The following SRGAP3 variants were observed in gnomAD, a reference collection of about 807,000 sequenced individuals.
SRGAP3 encodes SLIT-ROBO Rho GTPase-activating protein 3.
SRGAP3 carries 39 observed loss-of-function variants against 121.1 expected under a neutral mutation model. That is an observed-to-expected ratio of 0.32 (90% CI 0.25 to 0.42). SRGAP3 has a LOEUF of 0.42. Among genes scored for constraint, SRGAP3 ranks in the 10% least tolerant of loss-of-function variants. The pLI is 1.00. For synonymous variants in SRGAP3, 601 were observed against 570.0 expected, an observed-to-expected ratio of 1.05 and a Z score of -0.77; for missense variants, 1,213 against 1,470.6, an observed-to-expected ratio of 0.82 and a Z score of 2.86.
In SRGAP3 at chr3:9,248,786, A is replaced by G. The variant is rs1016617504; in HGVS notation, c.67+99T>C. On this transcript the variant is annotated intron_variant, in intron 1 of 21. Transcript: ENST00000383836. ...GATTATTGATGCATAACATTTCATAATGGCAGAGAGGAAAACGGGGGGCAG... is the reference window on the plus strand; with the variant it reads ...GATTATTGATGCATAACATTTCATAGTGGCAGAGAGGAAAACGGGGGGCAG... The G allele has an allele frequency of 4.9e-6, 6 of 1,221,712 alleles. No individual in the cohort carries two copies. The Admixed American group carries it at 8.8e-5, about 18-fold the overall frequency. 75.7% of individuals were successfully genotyped at this position (1,221,712 alleles called of 1,614,324 possible). A position where few individuals can be genotyped will look rare whatever the true frequency, so the allele number is the denominator to read the frequency against.
At chr3:8,991,756 T>C (rs1013140847) in intron 20 of SRGAP3, among the ~76,000 whole-genome samples, 4 of 151,822 alleles carry the variant, frequency 2.6e-5, no homozygotes, top group Non-Finnish European at 5.9e-5. Flanking sequence ...AGAGGGACCG[T>C]GTGTTGGGAA....
chr3:9,043,941 T>C (rs1285486257), intron 10 of SRGAP3, among the ~76,000 whole-genome samples: 1 of 152,090 alleles, frequency 6.6e-6, no homozygotes, highest in Non-Finnish European at 1.5e-5. Context: ...AATAAAAAGG[T>C]TATAAGTCTA....
chr3:9,246,863 G>A (rs1439406320), intron 1 of SRGAP3, among the ~76,000 whole-genome samples: 1 of 152,156 alleles, frequency 6.6e-6, no homozygotes. Context: ...AAGATCATTT[G>A]GACACATTTC....
chr3:9,143,109 G>A (rs1949915965), intron 1 of SRGAP3, among the ~76,000 whole-genome samples: 2 of 151,938 alleles, frequency 1.3e-5, no homozygotes, highest in African/African-American at 4.8e-5. Context: ...CAAACTGCTG[G>A]GATTACAGTC....
chr3:9,168,229 A>T (rs1950860794), intron 1 of SRGAP3, among the ~76,000 whole-genome samples: 1 of 152,244 alleles, frequency 6.6e-6, no homozygotes, highest in Non-Finnish European at 1.5e-5. Context: ...GCCTGGCCCC[A>T]GGCCCTCTCC....
intron 1 of SRGAP3, among the ~76,000 whole-genome samples, chr3:9,359,771 G>A (rs1352131707): frequency 6.6e-6 from 1 of 152,174 alleles, no homozygotes; most frequent in African/African-American, 2.4e-5. Context: ...GAAAACCAAT[G>A]TATCATATCA....
intron 2 of SRGAP3, among the ~76,000 whole-genome samples, chr3:9,112,245 C>T (rs1482512861): frequency 6.6e-6 from 1 of 152,242 alleles, no homozygotes; most frequent in Non-Finnish European, 1.5e-5. Context: ...GCTTGGGCTT[C>T]CTGCCCCGTT....
In SRGAP3 at chr3:8,996,085, T is replaced by G. The variant is rs1020390000; in HGVS notation, c.2228-1562A>C. 6.6e-4 allele frequency among the ~76,000 whole-genome samples: 100 copies of G among 152,266 alleles called. 1 individual carries two copies. The highest frequency in any genetic ancestry group is 2.6e-4 in the Non-Finnish European group (18 of 68,048). ...TGTGTGACCTTGGGATACTTAGTTT[T>G]TCTTTCTGTGCCTCAGTTTCCTCAT... On this transcript the variant is annotated intron_variant, in intron 18 of 21. Transcript: ENST00000383836.
At chr3:9,267,305 A>G (rs1954385087) in intron 3 of SRGAP3, among the ~76,000 whole-genome samples, 1 of 151,480 alleles carries the variant, frequency 6.6e-6, no homozygotes, top group Admixed American at 6.6e-5. Flanking sequence ...AAAACAGCAG[A>G]CAGAGATGCT....
chr3:8,981,624 A>G lies in SRGAP3; in HGVS notation c.*3895T>C, dbSNP rs188265364. 4.3e-6 allele frequency: 1 copy of G among 232,454 alleles called. No homozygotes were observed. Among genetic ancestry groups the G allele is most frequent in the Non-Finnish European group, 8.5e-6 (1 of 117,392 alleles). 14.4% of individuals were successfully genotyped at this position (232,454 alleles called of 1,614,324 possible). A position where few individuals can be genotyped will look rare whatever the true frequency, so the allele number is the denominator to read the frequency against. On this transcript the variant is annotated 3_prime_UTR_variant, in exon 22 of 22. Transcript: ENST00000383836. ...TATACCCAACAAGGCACTCCAAGGG[A>G]CTCCAACAGAGAAGAAAGCCCCACA...
At chr3:9,189,363 C>A (rs1485907801) in intron 1 of SRGAP3, among the ~76,000 whole-genome samples, 1 of 152,208 alleles carries the variant, frequency 6.6e-6, no homozygotes, top group Non-Finnish European at 1.5e-5. Flanking sequence ...TCCATCAAAT[C>A]GTTTGTCCCG....
intron 18 of SRGAP3, among the ~76,000 whole-genome samples, chr3:9,008,596 A>T (rs866731834): frequency 5.3e-5 from 8 of 152,154 alleles, no homozygotes; most frequent in Admixed American, 6.5e-5. Flanking sequence ...TCGGCAGAAG[A>T]AAAAAAGGAG....
intron 1 of SRGAP3, among the ~76,000 whole-genome samples, chr3:9,135,627 C>G (rs979768590): frequency 1.3e-5 from 2 of 152,242 alleles, no homozygotes; most frequent in African/African-American, 4.8e-5. Context: ...TCTGAGCTGT[C>G]TTCGGATTTG....
chr3:9,134,014 A>C (rs1460533999), intron 1 of SRGAP3, among the ~76,000 whole-genome samples: 1 of 152,218 alleles, frequency 6.6e-6, no homozygotes, highest in African/African-American at 2.4e-5. Context: ...ATCATAAAAA[A>C]GGGAGAAAAA....
chr3:9,212,664 AAG>A (rs1952485505), intron 1 of SRGAP3, among the ~76,000 whole-genome samples: 1 of 152,178 alleles, frequency 6.6e-6, no homozygotes, highest in African/African-American at 2.4e-5. Flanking sequence ...GCAGTGAGCC[AAG>A]ATCAAGCCAC....
At chr3:8,995,488 CA>C (rs1447484260) in intron 18 of SRGAP3, among the ~76,000 whole-genome samples, 1 of 152,034 alleles carries the variant, frequency 6.6e-6, no homozygotes, top group Non-Finnish European at 1.5e-5. Context: ...AACAAACAAA[CA>C]AAAGTTCTTG....
At chr3:9,052,933 G>T (rs1945652585) in intron 9 of SRGAP3, 94 bp downstream of exon 9, 2 of 1,457,316 alleles carry the variant, frequency 1.4e-6, no homozygotes, top group African/African-American at 1.4e-5. Context: ...GACCCATGTG[G>T]TTTCTCTGGT....
intron 1 of SRGAP3, among the ~76,000 whole-genome samples, chr3:9,352,271 ATTT>A (rs34692815): frequency 2.4e-3 from 293 of 123,424 alleles, no homozygotes; most frequent in African/African-American, 9.4e-3. Context: ...TGTTATGGAC[ATTT>A]TTTTTTTTTT....
At chr3:9,201,943 T>C (rs1269768631) in intron 1 of SRGAP3, among the ~76,000 whole-genome samples, 1 of 152,174 alleles carries the variant, frequency 6.6e-6, no homozygotes, top group African/African-American at 2.4e-5. Flanking sequence ...ACTATTTGCA[T>C]TTTACGAATG....
Sources: gnomAD v4.1 joint callset for allele counts (sites outside exome capture counted in the v4.1 genomes callset) on GRCh38, gnomAD v4.1.1 for gene constraint, MANE v1.5 for transcripts, NCBI Gene and HGNC (gene_info 2026-07-23, HGNC 2026-07-21) for gene names.